Variants in CERS5 observed in about 807,000 individuals in gnomAD.
CERS5 encodes ceramide synthase 5, also known as LAG1 homolog, ceramide synthase 5.
In CERS5, 37 loss-of-function variants were observed where a neutral mutation model predicts 58.9. That is an observed-to-expected ratio of 0.63 (90% CI 0.48 to 0.83). The LOEUF (loss-of-function observed/expected upper bound fraction) is 0.83, where lower values mean the gene tolerates loss of function less well. Ranked by LOEUF, CERS5 falls within the 40% of genes least tolerant of loss-of-function variation. The probability of loss-of-function intolerance (pLI) is 0.00; values close to 1 mark genes in which losing one functional copy is unlikely to be tolerated. For missense variants in CERS5, 398 were observed against 489.3 expected (o/e 0.81, Z 1.76); for synonymous variants, 147 against 177.8 (o/e 0.83, Z 1.38).
At chr12:50,145,483 T>TG in intron 1 of CERS5, among the ~76,000 whole-genome samples, 1 of 152,252 alleles carries the variant, frequency 6.6e-6, no homozygotes, top group African/African-American at 2.4e-5. Context: ...GTTAACCTAT[T>TG]TTCTTGAGCT....
intron 9 of CERS5, chr12:50,133,157 G>A: frequency 8.1e-7 from 1 of 1,231,646 alleles, no homozygotes; most frequent in Non-Finnish European, 1.0e-6. Context: ...GCCAATGGCA[G>A]CTATAAGGAA....
chr12:50,157,536 G>A (rs1938794043), intron 1 of CERS5, among the ~76,000 whole-genome samples: 1 of 151,896 alleles, frequency 6.6e-6, no homozygotes, highest in East Asian at 1.9e-4. Context: ...TCCATAAACA[G>A]AGCCCAATCT....
chr12:50,134,547 T>C lies in CERS5; in HGVS notation c.1028A>G (p.Lys343Arg). Residue 343 changes from lysine (K) to arginine (R), a missense_variant and splice_region_variant, in exon 9 of 10, where the codon AAG (lysine) becomes AGG (arginine). Lys to Arg is a conservative substitution (Grantham distance 26). Around this residue, in one of 3 missense-constraint regions of CERS5, gnomAD observed 23 missense variants for 54.6 expected, o/e 0.42. Coordinates refer to ENST00000317551, the MANE Select transcript of CERS5 (RefSeq NM_147190.5). ...RIALKALIRGKVSKDDRSDVE... is the reference protein window; with the variant it reads ...RIALKALIRGRVSKDDRSDVE... ...AAAGAAGCCATCTTTCATCCTCACC[T>C]TTCCCCTGATCAAGGCTTTCAAAGC... is the stretch of plus-strand genomic sequence containing the variant. 6.2e-7 allele frequency: 1 copy of C among 1,614,146 alleles called. No homozygotes were observed. Among genetic ancestry groups the C allele is most frequent in the Non-Finnish European group, 8.5e-7 (1 of 1,180,022 alleles).
At chr12:50,156,438 A>ATATATATATATATATATAT (rs1555198356) in intron 1 of CERS5, among the ~76,000 whole-genome samples, 40 of 123,280 alleles carry the variant, frequency 3.2e-4, no homozygotes, top group South Asian at 9.6e-4. Flanking sequence ...ATATATATAT[A>ATATATATATATATATATAT]AAACAATTAG....
chr12:50,157,448 A>C (rs146193134), intron 1 of CERS5, among the ~76,000 whole-genome samples: 2 of 151,926 alleles, frequency 1.3e-5, no homozygotes. Flanking sequence ...TGATTCATTC[A>C]ATAAACACTT....
At chr12:50,165,249 C>T (rs577689669) in intron 1 of CERS5, 5 of 152,088 alleles carry the variant, frequency 3.3e-5, no homozygotes, top group Non-Finnish European at 7.3e-5. Context: ...GAATCCCCGT[C>T]TCTACTAAAA....
intron 2 of CERS5, 129 bp downstream of exon 2, chr12:50,143,823 T>C: frequency 3.1e-6 from 2 of 655,058 alleles, no homozygotes; most frequent in Admixed American, 2.4e-5. Context: ...TATAGCTACA[T>C]GGACTACTCA....
At chr12:50,143,656 A>AAG in intron 2 of CERS5, 1 of 332,166 alleles carries the variant, frequency 3.0e-6, no homozygotes, top group Non-Finnish European at 5.6e-6. Flanking sequence ...AGGCAGTGAC[A>AAG]GAAACTGGAA....
chr12:50,167,026 G>A (rs1939978050), intron 1 of CERS5, 75 bp downstream of exon 1: 39 of 1,190,200 alleles, frequency 3.3e-5, no homozygotes, highest in Non-Finnish European at 4.5e-5. Flanking sequence ...TCTGCTTCCG[G>A]CCCTCGGCCC....
intron 1 of CERS5, chr12:50,145,160 A>AG (rs1952199132): frequency 6.7e-6 from 1 of 150,290 alleles, no homozygotes; most frequent in African/African-American, 2.5e-5. Context: ...AAAAAAAAGA[A>AG]GAAGAATAAA....
intron 1 of CERS5, among the ~76,000 whole-genome samples, chr12:50,160,155 A>T (rs1192293201): frequency 6.6e-6 from 1 of 151,672 alleles, no homozygotes; most frequent in African/African-American, 2.4e-5. Context: ...AAATACAAAA[A>T]TTAGCTGGGC....
intron 1 of CERS5, among the ~76,000 whole-genome samples, chr12:50,149,651 G>C (rs1242481418): frequency 6.6e-6 from 1 of 152,146 alleles, no homozygotes; most frequent in Admixed American, 6.5e-5. Flanking sequence ...TAGCTCTCAG[G>C]GTGATCCATG....
intron 1 of CERS5, among the ~76,000 whole-genome samples, chr12:50,162,493 ATAGG>A (rs918801625): frequency 3.7e-4 from 57 of 152,184 alleles, no homozygotes; most frequent in Non-Finnish European, 7.3e-4. Context: ...TACAAACTAA[ATAGG>A]TAGGATTTTA....
At chr12:50,131,354 T>C (rs1592322710) in intron 9 of CERS5, among the ~76,000 whole-genome samples, 1 of 149,692 alleles carries the variant, frequency 6.7e-6, no homozygotes, top group African/African-American at 2.5e-5. Context: ...AGGTCAGGAG[T>C]TTGAGACCAG....
rs1592472646 is a variant in CERS5 at position 50,167,330 on chromosome 12, A to G, written c.-33T>C. On this transcript the variant is annotated 5_prime_UTR_variant, in exon 1 of 10. Coordinates refer to ENST00000317551, the MANE Select transcript of CERS5 (RefSeq NM_147190.5). Reference sequence around the variant, plus strand: ...CCACCCCGAAGCCACCGCCGCCACAAGCGTCAGCTGCCGCCACAGCCAACG... The same window carrying G: ...CCACCCCGAAGCCACCGCCGCCACAGGCGTCAGCTGCCGCCACAGCCAACG... The G allele has an allele frequency of 6.8e-7, 1 of 1,467,388 alleles. No individual in the cohort carries two copies. Among genetic ancestry groups the G allele is most frequent in the Non-Finnish European group, 8.9e-7 (1 of 1,118,036 alleles). The allele number at this position is 1,467,388 out of a possible 1,614,324, so 90.9% of individuals were successfully genotyped here.
chr12:50,152,654 C>A (rs967081215), intron 1 of CERS5, among the ~76,000 whole-genome samples: 39 of 152,176 alleles, frequency 2.6e-4, no homozygotes, highest in Non-Finnish European at 3.5e-4. Context: ...CAAGGAAAAC[C>A]ATTTGTATGA....
chr12:50,162,062 G>C (rs1939356914), intron 1 of CERS5, among the ~76,000 whole-genome samples: 1 of 151,324 alleles, frequency 6.6e-6, no homozygotes, highest in Non-Finnish European at 1.5e-5. Flanking sequence ...TTTTAGTAAA[G>C]ACAGGGTTTC....
chr12:50,131,429 C>G (rs995672406), intron 9 of CERS5, among the ~76,000 whole-genome samples: 2 of 151,666 alleles, frequency 1.3e-5, no homozygotes, highest in Non-Finnish European at 2.9e-5. Context: ...TGTGGTGGCG[C>G]GCACCTGTAA....
At chr12:50,144,126 T>C (rs1952133418) in intron 1 of CERS5, 69 bp from the exon 2 acceptor site, 1 of 861,384 alleles carries the variant, frequency 1.2e-6, no homozygotes, top group African/African-American at 1.7e-5. Flanking sequence ...CACATAATAA[T>C]TGTACATATT....
Sources: gnomAD v4.1 joint callset for allele counts (sites outside exome capture counted in the v4.1 genomes callset) on GRCh38, gnomAD v4.1.1 for gene constraint, gnomAD v4.1.1 regional missense constraint, MANE v1.5 for transcripts, NCBI Gene and HGNC (gene_info 2026-07-23, HGNC 2026-07-21) for gene names.